ADK: variants seen among roughly 807,000 people sequenced by gnomAD.
ADK encodes the protein N6,N6-dimethyladenosine kinase.
Under a neutral mutation model 44.7 loss-of-function variants are expected in ADK, and 24 were observed. The observed-to-expected ratio is 0.54, with a 90% CI of 0.39 to 0.76. The LOEUF is 0.76. Ranked by LOEUF, ADK falls within the 30% of genes least tolerant of loss-of-function variation. The pLI is 0.00. For missense variants in ADK, 321 were observed against 425.1 expected (o/e 0.76, Z 2.15); for synonymous variants, 128 against 142.6 (o/e 0.90, Z 0.73).
intron 6 of ADK, among the ~76,000 whole-genome samples, chr10:74,465,125 G>C (rs997889648): frequency 6.6e-6 from 1 of 152,076 alleles, no homozygotes; most frequent in African/African-American, 2.4e-5. Context: ...AGCATGAAAG[G>C]TTACACTTTC....
At chr10:74,691,552 T>C (rs1855990091) in intron 10 of ADK, among the ~76,000 whole-genome samples, 1 of 152,126 alleles carries the variant, frequency 6.6e-6, no homozygotes, top group Non-Finnish European at 1.5e-5. Flanking sequence ...ATTATTACAA[T>C]CAGGAATGCA....
intron 3 of ADK, among the ~76,000 whole-genome samples, chr10:74,246,721 A>G (rs1329997937): frequency 6.6e-6 from 1 of 152,174 alleles, no homozygotes; most frequent in Non-Finnish European, 1.5e-5. Flanking sequence ...TTTGGTGAGC[A>G]TGGGTGACTC....
chr10:74,605,321 C>T (rs1017048193), intron 9 of ADK, among the ~76,000 whole-genome samples: 5 of 152,108 alleles, frequency 3.3e-5, no homozygotes, highest in South Asian at 4.1e-4. Context: ...TGTCTTGTGC[C>T]GGTTTTCAAA....
At chr10:74,164,099 T>C (rs1841972886) in intron 1 of ADK, among the ~76,000 whole-genome samples, 1 of 152,242 alleles carries the variant, frequency 6.6e-6, no homozygotes, top group Admixed American at 6.5e-5. Flanking sequence ...ATATAAAACA[T>C]AGTGATGAAA....
At chr10:74,392,838 T>A (rs774886164) in intron 4 of ADK, among the ~76,000 whole-genome samples, 7 of 152,140 alleles carry the variant, frequency 4.6e-5, no homozygotes, top group Non-Finnish European at 8.8e-5. Context: ...ATCCTGGAAA[T>A]TACTTTGTAT....
rs1460404091 is a variant in ADK, at chr10:74,217,738, C to T, written c.141-6800C>T. Among the ~76,000 whole-genome samples, 234 of 150,990 alleles carry T rather than the reference C, an allele frequency of 1.5e-3. 3 individuals carry two copies. The highest frequency in any genetic ancestry group is 3.8e-4 in the Non-Finnish European group (26 of 67,654). On this transcript the variant is annotated intron_variant, in intron 2 of 10. Coordinates refer to ENST00000539909, the MANE Select transcript of ADK (RefSeq NM_006721.4). ...CGAAAAACCACTGTTCTGCAGCCAC[C>T]GCTGCTGATACCCAGGCAAACAGGG...
chr10:74,172,003 TC>T (rs777875568), intron 1 of ADK, among the ~76,000 whole-genome samples: 3 of 152,320 alleles, frequency 2.0e-5, no homozygotes, highest in Non-Finnish European at 4.4e-5. Flanking sequence ...GAGTCCTCTT[TC>T]TTGAAATAAT....
At chr10:74,151,442 C>T in intron 1 of ADK, 99 bp downstream of exon 1, 3 of 1,338,468 alleles carry the variant, frequency 2.2e-6, no homozygotes, top group Non-Finnish European at 3.1e-6. Context: ...GTGTCTCTCA[C>T]TGCCAGCTTG....
chr10:74,529,512 A>C (rs909277892), intron 7 of ADK, among the ~76,000 whole-genome samples: 2 of 152,202 alleles, frequency 1.3e-5, no homozygotes, highest in African/African-American at 4.8e-5. Flanking sequence ...AAATTTTATC[A>C]TATGTATAGT....
chr10:74,698,883 G>T (rs939409578), intron 10 of ADK, among the ~76,000 whole-genome samples: 1 of 151,254 alleles, frequency 6.6e-6, no homozygotes, highest in East Asian at 1.9e-4. Flanking sequence ...TGTTGTTGTT[G>T]TTGCCCAAAC....
chr10:74,595,381 TTTTTTTTTTTTGGG>T (rs1851868956), intron 8 of ADK, among the ~76,000 whole-genome samples: 5 of 7,526 alleles, frequency 6.6e-4, no homozygotes, highest in Admixed American at 2.5e-3. Context: ...CTTTTTTTTT[TTTTTTTTTTTTGGG>T]GAGGGGGTTT....
At chr10:74,480,793 C>T (rs968083927) in intron 6 of ADK, among the ~76,000 whole-genome samples, 3 of 152,086 alleles carry the variant, frequency 2.0e-5, no homozygotes, top group African/African-American at 7.2e-5. Context: ...GTAGCTCATG[C>T]CTTGCACATG....
At chr10:74,267,291 A>T (rs746994687) in intron 3 of ADK, among the ~76,000 whole-genome samples, 93 of 152,240 alleles carry the variant, frequency 6.1e-4, no homozygotes, top group Non-Finnish European at 1.0e-3. Flanking sequence ...GTATTCAAGG[A>T]ATGTGAAAGT....
intron 3 of ADK, among the ~76,000 whole-genome samples, chr10:74,277,635 G>A (rs568691527): frequency 1.3e-5 from 2 of 152,146 alleles, no homozygotes; most frequent in African/African-American, 2.4e-5. Context: ...TCCTGACCTC[G>A]TGATCCACCT....
chr10:74,362,148 A>G (rs1407769874), intron 4 of ADK, among the ~76,000 whole-genome samples: 2 of 152,036 alleles, frequency 1.3e-5, no homozygotes, highest in Non-Finnish European at 2.9e-5. Flanking sequence ...TTCCTTGTAT[A>G]AGTTTTCTAC....
At chr10:74,288,945 A>G (rs1281979920) in intron 3 of ADK, among the ~76,000 whole-genome samples, 2 of 152,208 alleles carry the variant, frequency 1.3e-5, no homozygotes, top group Admixed American at 1.3e-4. Flanking sequence ...ATTTTATAAA[A>G]CTGTATTGCA....
intron 3 of ADK, among the ~76,000 whole-genome samples, chr10:74,239,708 C>A (rs1261992662): frequency 1.1e-5 from 1 of 87,810 alleles, no homozygotes. Context: ...AAAGTGAGAC[C>A]TTGTCTCAAA....
At chr10:74,542,738 A>G (rs2133735038) in intron 7 of ADK, among the ~76,000 whole-genome samples, 1 of 152,178 alleles carries the variant, frequency 6.6e-6, no homozygotes, top group Admixed American at 6.5e-5. Flanking sequence ...AGCTAAATGC[A>G]TATTTTACTG....
At position 74,708,887 on chromosome 10, in the gene ADK, G is replaced by T. The variant is rs970181886; in HGVS notation, c.*442G>T. ...ATATATTTAATTTAGGAGTATATGT[G>T]TGTCTATACACACACATACATAAAT... On this transcript the variant is annotated 3_prime_UTR_variant, in exon 11 of 11. Transcript: ENST00000539909. 5.1e-6 allele frequency: 1 copy of T among 197,284 alleles called. No homozygotes were observed. The highest frequency in any genetic ancestry group is 2.4e-5 in the African/African-American group (1 of 41,694). 12.2% of individuals were successfully genotyped at this position (197,284 alleles called of 1,614,324 possible).
Sources: allele counts gnomAD v4.1 joint callset (sites outside exome capture counted in the v4.1 genomes callset), GRCh38; gene constraint gnomAD v4.1.1; transcripts MANE v1.5; gene names NCBI Gene and HGNC (gene_info 2026-07-23, HGNC 2026-07-21).